GPC5: variants seen among roughly 807,000 people sequenced by gnomAD.
GPC5 encodes the protein glypican-5.
GPC5 carries 47 observed loss-of-function variants against 53.9 expected under a neutral mutation model. That is an observed-to-expected ratio of 0.87 (90% CI 0.69 to 1.11). GPC5 has a LOEUF of 1.11. GPC5 is among the 50% of genes most tolerant of loss of function. The probability of loss-of-function intolerance (pLI) is 0.00; values close to 1 mark genes in which losing one functional copy is unlikely to be tolerated. For missense variants in GPC5, 748 were observed against 713.1 expected (o/e 1.05, Z -0.56); for synonymous variants, 286 against 263.3 (o/e 1.09, Z -0.84).
intron 7 of GPC5, among the ~76,000 whole-genome samples, chr13:92,581,662 A>C (rs2139054134): frequency 6.6e-6 from 1 of 152,250 alleles, no homozygotes; most frequent in South Asian, 2.1e-4. Flanking sequence ...TAATGATTGT[A>C]CCACTCTACA....
intron 7 of GPC5, among the ~76,000 whole-genome samples, chr13:92,192,191 G>C (rs902041714): frequency 6.6e-6 from 1 of 152,154 alleles, no homozygotes; most frequent in Non-Finnish European, 1.5e-5. Flanking sequence ...TCAAAACTCA[G>C]AGAACGTACA....
chr13:92,745,519 T>G (rs948094924), intron 7 of GPC5, among the ~76,000 whole-genome samples: 3 of 152,126 alleles, frequency 2.0e-5, no homozygotes, highest in Non-Finnish European at 4.4e-5. Context: ...GGCATTGTTC[T>G]GAAACCTTCC....
At chr13:92,145,764 A>G (rs1458767809) in intron 7 of GPC5, among the ~76,000 whole-genome samples, 1 of 152,176 alleles carries the variant, frequency 6.6e-6, no homozygotes, top group Non-Finnish European at 1.5e-5. Context: ...TATTCATGTA[A>G]TCTTGATTAT....
intron 7 of GPC5, among the ~76,000 whole-genome samples, chr13:92,481,342 C>T (rs1229563885): frequency 6.6e-6 from 1 of 152,118 alleles, no homozygotes; most frequent in East Asian, 1.9e-4. Flanking sequence ...ATCTCGTGAT[C>T]CGCCCACCTT....
intron 5 of GPC5, among the ~76,000 whole-genome samples, chr13:91,840,875 G>T (rs1566297372): frequency 1.3e-5 from 2 of 151,668 alleles, no homozygotes; most frequent in African/African-American, 4.8e-5. Flanking sequence ...AATGCTACTG[G>T]TAACAGTACA....
chr13:92,276,886 C>T (rs1254632249), intron 7 of GPC5, among the ~76,000 whole-genome samples: 1 of 151,864 alleles, frequency 6.6e-6, no homozygotes, highest in Non-Finnish European at 1.5e-5. Flanking sequence ...GAAAGAATTT[C>T]AAATGATGAT....
intron 5 of GPC5, among the ~76,000 whole-genome samples, chr13:91,803,713 C>T (rs972418531): frequency 4.0e-5 from 6 of 149,668 alleles, no homozygotes; most frequent in Non-Finnish European, 7.4e-5. Flanking sequence ...ATTAAATTTC[C>T]TAAAATTGTT....
At chr13:92,385,329 CATATATACAT>C (rs1242569561) in intron 7 of GPC5, among the ~76,000 whole-genome samples, 2 of 131,080 alleles carry the variant, frequency 1.5e-5, no homozygotes, top group Non-Finnish European at 1.6e-5. Flanking sequence ...TACATATATA[CATATATACAT>C]ATATATACAT....
intron 2 of GPC5, among the ~76,000 whole-genome samples, chr13:91,495,771 C>T (rs952510061): frequency 1.3e-5 from 2 of 152,198 alleles, no homozygotes; most frequent in African/African-American, 4.8e-5. Flanking sequence ...GCCTGGAATC[C>T]CAGCACTTTG....
intron 7 of GPC5, among the ~76,000 whole-genome samples, chr13:92,552,281 C>A (rs1882343647): frequency 6.6e-6 from 1 of 151,742 alleles, no homozygotes; most frequent in African/African-American, 2.4e-5. Context: ...ACAGTCCTCG[C>A]CCTTAAGAGC....
intron 2 of GPC5, among the ~76,000 whole-genome samples, chr13:91,508,879 T>G (rs1236939821): frequency 6.6e-6 from 1 of 152,160 alleles, no homozygotes. Flanking sequence ...GCTGGGACAT[T>G]AAGGAATTTG....
chr13:91,917,838 C>T (rs961032428), intron 6 of GPC5, among the ~76,000 whole-genome samples: 1 of 152,184 alleles, frequency 6.6e-6, no homozygotes, highest in Non-Finnish European at 1.5e-5. Flanking sequence ...TTCAACAAGT[C>T]TCTAGGAAGT....
At chr13:92,475,219 T>C (rs1269585094) in intron 7 of GPC5, among the ~76,000 whole-genome samples, 1 of 150,290 alleles carries the variant, frequency 6.7e-6, no homozygotes, top group Admixed American at 6.7e-5. Context: ...TTTAAAGTAG[T>C]TTTTTCCAAT....
At chr13:92,588,640 G>A (rs1011469588) in intron 7 of GPC5, among the ~76,000 whole-genome samples, 2 of 152,096 alleles carry the variant, frequency 1.3e-5, no homozygotes, top group African/African-American at 2.4e-5. Flanking sequence ...TCCTTTCTAT[G>A]TGTCTGTTCT....
intron 7 of GPC5, among the ~76,000 whole-genome samples, chr13:92,452,317 G>A (rs913869320): frequency 6.6e-6 from 1 of 152,056 alleles, no homozygotes; most frequent in Non-Finnish European, 1.5e-5. Flanking sequence ...AGTATTGTTG[G>A]TGAAGTCACT....
chr13:91,820,746 G>A (rs2038479531), intron 5 of GPC5, among the ~76,000 whole-genome samples: 1 of 152,048 alleles, frequency 6.6e-6, no homozygotes, highest in Non-Finnish European at 1.5e-5. Flanking sequence ...GGAGGATCAC[G>A]AGGTCAGGAG....
chr13:92,255,907 G>C (rs1258580521), intron 7 of GPC5, among the ~76,000 whole-genome samples: 1 of 152,062 alleles, frequency 6.6e-6, no homozygotes, highest in Non-Finnish European at 1.5e-5. Flanking sequence ...TGTTTAGAAG[G>C]AAGGGAATGA....
rs562167237 is a variant in GPC5, at chr13:92,114,183, GCT to G, written c.1402-30644_1402-30643del. ...TATAGAAACAGAGCCTTCTCCTCCA[GCT>G]CTTTGTCCTTCTTTGACATGTGCAC... On this transcript the variant is annotated intron_variant, in intron 6 of 7. Transcript: ENST00000377067. 9.9e-5 allele frequency among the ~76,000 whole-genome samples: 15 copies of G among 152,190 alleles called. No individual in the cohort carries two copies. The South Asian group carries it at 2.9e-3, about 29-fold the overall frequency.
At chr13:91,909,411 G>A (rs1273006217) in intron 6 of GPC5, among the ~76,000 whole-genome samples, 3 of 152,062 alleles carry the variant, frequency 2.0e-5, no homozygotes, top group Non-Finnish European at 2.9e-5. Context: ...GTGAGGACAC[G>A]GTGAAATCTT....
Sources: gnomAD v4.1 joint callset for allele counts (sites outside exome capture counted in the v4.1 genomes callset) on GRCh38, gnomAD v4.1.1 for gene constraint, MANE v1.5 for transcripts, NCBI Gene and HGNC (gene_info 2026-07-23, HGNC 2026-07-21) for gene names.